The following LYPD6B variants were observed in gnomAD, a reference collection of about 807,000 sequenced individuals.
The protein encoded by LYPD6B is ly6/PLAUR domain-containing protein 6B.
LYPD6B carries 17 observed loss-of-function variants against 22.8 expected under a neutral mutation model. That is an observed-to-expected ratio of 0.75 (90% CI 0.51 to 1.12). The LOEUF is 1.12. LYPD6B is among the 50% of genes most tolerant of loss of function. LYPD6B has a pLI of 0.00. For missense variants in LYPD6B, 221 were observed against 258.3 expected (o/e 0.86, Z 0.99); for synonymous variants, 106 against 91.6 (o/e 1.16, Z -0.90).
intron 3 of LYPD6B, among the ~76,000 whole-genome samples, chr2:149,180,792 C>T (rs1329143124): frequency 2.0e-5 from 3 of 152,162 alleles, no homozygotes; most frequent in African/African-American, 7.2e-5. Flanking sequence ...AAAAAGGACC[C>T]GGAAAGAATC....
intron 1 of LYPD6B, among the ~76,000 whole-genome samples, chr2:149,070,407 A>G (rs532549015): frequency 5.3e-4 from 80 of 152,144 alleles, no homozygotes; most frequent in African/African-American, 1.9e-3. Context: ...TCTTCTCTTT[A>G]GCGCTTATTA....
chr2:149,069,907 C>G (rs1379643300), intron 1 of LYPD6B, among the ~76,000 whole-genome samples: 1 of 141,602 alleles, frequency 7.1e-6, no homozygotes, highest in East Asian at 2.0e-4. Flanking sequence ...AGCTGTACAA[C>G]TTTTTTTTTT....
intron 2 of LYPD6B, among the ~76,000 whole-genome samples, chr2:149,144,152 T>C (rs1007238464): frequency 2.6e-5 from 4 of 152,188 alleles, no homozygotes; most frequent in African/African-American, 4.8e-5. Flanking sequence ...TATAGTATGA[T>C]GGTGGAGATG....
intron 5 of LYPD6B, among the ~76,000 whole-genome samples, chr2:149,212,115 C>T (rs936614444): frequency 7.3e-5 from 11 of 151,626 alleles, no homozygotes; most frequent in African/African-American, 1.2e-4. Flanking sequence ...CGGTGGCTCA[C>T]GCCTGTAATC....
intron 3 of LYPD6B, among the ~76,000 whole-genome samples, chr2:149,203,286 C>G (rs72983291): frequency 0.022 from 3,399 of 152,248 alleles, 110 homozygotes; most frequent in African/African-American, 0.077. Flanking sequence ...ACACTGAAAC[C>G]TGTATCTTAG....
At chr2:149,090,011 G>A (rs1329818685) in intron 1 of LYPD6B, among the ~76,000 whole-genome samples, 1 of 152,114 alleles carries the variant, frequency 6.6e-6, no homozygotes, top group African/African-American at 2.4e-5. Flanking sequence ...CTAAGAGTGT[G>A]TGATGGGGAT....
intron 2 of LYPD6B, among the ~76,000 whole-genome samples, chr2:149,157,960 G>T (rs1689812447): frequency 6.6e-6 from 1 of 152,158 alleles, no homozygotes; most frequent in Non-Finnish European, 1.5e-5. Flanking sequence ...CACATTCTAA[G>T]CTTTAGCCAC....
At chr2:149,185,035 A>G (rs1220744204) in intron 3 of LYPD6B, among the ~76,000 whole-genome samples, 1 of 152,220 alleles carries the variant, frequency 6.6e-6, no homozygotes, top group Non-Finnish European at 1.5e-5. Flanking sequence ...TGTCAGGCTC[A>G]TTTCTAGGGA....
chr2:149,154,485 A>AT (rs35656092), intron 2 of LYPD6B, among the ~76,000 whole-genome samples: 13 of 151,774 alleles, frequency 8.6e-5, no homozygotes, highest in East Asian at 3.9e-4. Flanking sequence ...TTAAGCCACC[A>AT]TTTTTTTTTG....
At chr2:149,211,057 G>A (rs1055966850) in intron 5 of LYPD6B, among the ~76,000 whole-genome samples, 4 of 152,158 alleles carry the variant, frequency 2.6e-5, no homozygotes, top group African/African-American at 9.7e-5. Flanking sequence ...AGGCAAAGAG[G>A]GAATGAGGCA....
chr2:149,182,331 G>T (rs980309059), intron 3 of LYPD6B, among the ~76,000 whole-genome samples: 1 of 152,052 alleles, frequency 6.6e-6, no homozygotes, highest in African/African-American at 2.4e-5. Flanking sequence ...ACTCCATGGT[G>T]GTTATCACAG....
intron 3 of LYPD6B, among the ~76,000 whole-genome samples, chr2:149,162,994 G>T (rs200566030): frequency 6.6e-6 from 1 of 152,030 alleles, no homozygotes; most frequent in East Asian, 1.9e-4. Flanking sequence ...GAATTGTGGG[G>T]TGCCTGCATC....
chr2:149,073,878 C>T (rs779515038), intron 1 of LYPD6B, among the ~76,000 whole-genome samples: 26 of 151,640 alleles, frequency 1.7e-4, no homozygotes, highest in African/African-American at 2.4e-4. Context: ...ACAGCAACCT[C>T]GGGTGAGGGC....
intron 1 of LYPD6B, among the ~76,000 whole-genome samples, chr2:149,099,983 A>T (rs991877558): frequency 6.6e-6 from 1 of 152,162 alleles, no homozygotes; most frequent in Non-Finnish European, 1.5e-5. Flanking sequence ...TGTTTCAGTG[A>T]TGCTGTTCTG....
chr2:149,110,638 CCTTA>C (rs1202975857), intron 1 of LYPD6B, among the ~76,000 whole-genome samples: 3 of 152,024 alleles, frequency 2.0e-5, no homozygotes, highest in East Asian at 3.9e-4. Context: ...AAAATGACAA[CCTTA>C]CTTATTATGT....
intron 1 of LYPD6B, among the ~76,000 whole-genome samples, chr2:149,084,294 C>A (rs1419376576): frequency 6.6e-6 from 1 of 152,180 alleles, no homozygotes; most frequent in Non-Finnish European, 1.5e-5. Flanking sequence ...TCTTTCACTC[C>A]TTCTACCTTG....
intron 1 of LYPD6B, among the ~76,000 whole-genome samples, chr2:149,071,001 A>G (rs1256924730): frequency 6.6e-6 from 1 of 152,220 alleles, no homozygotes; most frequent in African/African-American, 2.4e-5. Flanking sequence ...TAAAAGGTGT[A>G]TGATTTACTT....
chr2:149,088,791 A>G (rs1400675464), intron 1 of LYPD6B, among the ~76,000 whole-genome samples: 5 of 152,246 alleles, frequency 3.3e-5, no homozygotes, highest in African/African-American at 1.2e-4. Flanking sequence ...GGATTTTTGC[A>G]GTAGTATTTA....
chr2:149,213,232 T>A lies in LYPD6B; in HGVS notation c.459+110T>A, dbSNP rs1575194749. The A allele has an allele frequency of 5.0e-6, 7 of 1,400,476 alleles. No homozygotes were observed. In the South Asian group the frequency reaches 9.6e-5, roughly 19 times the overall value. 86.8% of individuals were successfully genotyped at this position (1,400,476 alleles called of 1,614,324 possible). On this transcript the variant is annotated intron_variant, in intron 6 of 6. Transcript: ENST00000409642. Reference sequence around the variant, plus strand: ...TAATATGTGGACCATGTTTACATTTTGAGGAAAGACTCCATACAAAGATAA... The same window carrying A: ...TAATATGTGGACCATGTTTACATTTAGAGGAAAGACTCCATACAAAGATAA...
Sources: gnomAD v4.1 joint callset for allele counts (sites outside exome capture counted in the v4.1 genomes callset) on GRCh38, gnomAD v4.1.1 for gene constraint, MANE v1.5 for transcripts, NCBI Gene and HGNC (gene_info 2026-07-23, HGNC 2026-07-21) for gene names.